The following RCAN1 variants were observed in gnomAD, a reference collection of about 807,000 sequenced individuals.
RCAN1 encodes the protein regulator of calcineurin 1.
Under a neutral mutation model 22.9 loss-of-function variants are expected in RCAN1, and 11 were observed. The observed-to-expected ratio is 0.48, with a 90% CI of 0.30 to 0.79. RCAN1 has a LOEUF of 0.79. RCAN1 is among the 30% of genes least tolerant of loss of function. The pLI is 0.06. For missense variants in RCAN1, 291 were observed against 337.8 expected (o/e 0.86, Z 1.09); for synonymous variants, 136 against 142.3 (o/e 0.96, Z 0.32).
At chr21:34,561,052 T>G (rs8132720) in intron 1 of RCAN1, among the ~76,000 whole-genome samples, 30,995 of 151,994 alleles carry the variant, frequency 0.2, 3,390 homozygotes, top group South Asian at 0.32. Flanking sequence ...GATCCGATGA[T>G]TTTATAAGTG....
At chr21:34,567,449 A>G (rs2062592732) in intron 1 of RCAN1, among the ~76,000 whole-genome samples, 1 of 151,810 alleles carries the variant, frequency 6.6e-6, no homozygotes, top group South Asian at 2.1e-4. Flanking sequence ...TTCTGGCCTA[A>G]GGGAAAGGGG....
Position 34,611,623 on chromosome 21 carries a change from A to G in RCAN1, c.252+3137T>C, listed in dbSNP as rs558411919. 3.3e-4 allele frequency among the ~76,000 whole-genome samples: 51 copies of G among 152,292 alleles called. 2 individuals are homozygous for G. In the South Asian group the frequency reaches 9.7e-3, roughly 29 times the overall value. ...TCCAGATCCAACAGACTGGCTAAGG[A>G]GGGGACGGCCAGACCCCCAGGGACT... On this transcript the variant is annotated intron_variant, in intron 1 of 3. Coordinates refer to ENST00000313806, the MANE Select transcript of RCAN1 (RefSeq NM_004414.7).
chr21:34,559,300 A>T (rs1473102952), intron 1 of RCAN1: 2 of 152,240 alleles, frequency 1.3e-5, no homozygotes, highest in African/African-American at 4.8e-5. Context: ...CTGTAAGAAG[A>T]GCCCTGTTTG....
At chr21:34,599,177 G>T (rs147985556) in intron 1 of RCAN1, among the ~76,000 whole-genome samples, 1 of 152,056 alleles carries the variant, frequency 6.6e-6, no homozygotes, top group Non-Finnish European at 1.5e-5. Context: ...TTTACATAAG[G>T]AAACAAAGAA....
chr21:34,612,924 C>G lies in RCAN1; in HGVS notation c.252+1836G>C, dbSNP rs2268275. ...TGACCAAGCCCCCTCCCCTTGCTCT[C>G]TATCCCTGTTTCAGTCTCTTCATCG... On this transcript the variant is annotated intron_variant, in intron 1 of 3. Coordinates refer to ENST00000313806, the MANE Select transcript of RCAN1 (RefSeq NM_004414.7). Among the ~76,000 whole-genome samples, 683 of 152,362 alleles carry G rather than the reference C, an allele frequency of 4.5e-3. 20 individuals carry two copies. In the East Asian group the frequency reaches 0.079, roughly 18 times the overall value.
chr21:34,554,983 C>T (rs1410694538), intron 1 of RCAN1, among the ~76,000 whole-genome samples: 1 of 152,174 alleles, frequency 6.6e-6, no homozygotes, highest in Non-Finnish European at 1.5e-5. Flanking sequence ...CCACTGGGTC[C>T]CTCCCACAAC....
intron 1 of RCAN1, among the ~76,000 whole-genome samples, chr21:34,540,442 C>G (rs751660181): frequency 1.3e-5 from 2 of 151,960 alleles, no homozygotes; most frequent in Non-Finnish European, 2.9e-5. Flanking sequence ...TGTCTCCATT[C>G]ATTCAACCAC....
chr21:34,599,423 G>A (rs1051774147), intron 1 of RCAN1, among the ~76,000 whole-genome samples: 4 of 152,116 alleles, frequency 2.6e-5, no homozygotes, highest in African/African-American at 9.7e-5. Context: ...GCAGTGAGCC[G>A]AGATCACGCC....
In RCAN1 at chr21:34,585,367, G is replaced by T. The variant is rs912101520; in HGVS notation, c.252+29393C>A. On this transcript the variant is annotated intron_variant, in intron 1 of 3. Transcript: ENST00000313806. ...ATAAAATAAGTCAAGGATGCATTTT[G>T]TAATATCTAGAATAACCACTAAAAG... Among the ~76,000 whole-genome samples the T allele has an allele frequency of 3.9e-5, 6 of 152,300 alleles. No homozygotes were observed. In the South Asian group the frequency reaches 1.2e-3, roughly 32 times the overall value.
At chr21:34,601,312 C>T (rs1169365376) in intron 1 of RCAN1, among the ~76,000 whole-genome samples, 1 of 152,212 alleles carries the variant, frequency 6.6e-6, no homozygotes, top group African/African-American at 2.4e-5. Context: ...TTTTCATCCT[C>T]ACAACACAAC....
chr21:34,594,282 G>A (rs1052138402), intron 1 of RCAN1, among the ~76,000 whole-genome samples: 10 of 152,272 alleles, frequency 6.6e-5, no homozygotes, highest in African/African-American at 1.7e-4. Flanking sequence ...GGCCGGGCGC[G>A]GTGGCTCATG....
At chr21:34,613,809 G>A in intron 1 of RCAN1, 1 of 1,494,062 alleles carries the variant, frequency 6.7e-7, no homozygotes. Flanking sequence ...GTTTCACAGT[G>A]GTGTTGTATT....
Position 34,518,401 on chromosome 21 carries a change from G to T in RCAN1, c.587-145C>A. 2 of 844,250 alleles carry T rather than the reference G, an allele frequency of 2.4e-6. No individual in the cohort carries two copies. Among genetic ancestry groups the T allele is most frequent in the Non-Finnish European group, 3.6e-6 (2 of 559,710 alleles). The allele number at this position is 844,250 out of a possible 1,614,324, so 52.3% of individuals were successfully genotyped here. A position where few individuals can be genotyped will look rare whatever the true frequency, so the allele number is the denominator to read the frequency against. On this transcript the variant is annotated intron_variant, in intron 3 of 3. Transcript: ENST00000313806. This position sits in a 1 kb window ranked among gnomAD's most constrained non-coding sequence, Gnocchi z 4.2. ...AGAGACACAGCCAGACATATTTTGG[G>T]TTTGTATTTCTTTGCTAGCTCATTC... is the stretch of plus-strand genomic sequence containing the variant.
intron 1 of RCAN1, among the ~76,000 whole-genome samples, chr21:34,588,705 C>G (rs1987877789): frequency 6.6e-6 from 1 of 152,230 alleles, no homozygotes; most frequent in South Asian, 2.1e-4. Context: ...GAATTGAAAG[C>G]AGGGTCCTGA....
At chr21:34,587,009 CA>C (rs1380189252) in intron 1 of RCAN1, among the ~76,000 whole-genome samples, 1 of 151,000 alleles carries the variant, frequency 6.6e-6, no homozygotes, top group African/African-American at 2.4e-5. Context: ...AAACAGAAAA[CA>C]AAAAAACAGA....
At chr21:34,530,870 G>A (rs1444665806) in intron 1 of RCAN1, among the ~76,000 whole-genome samples, 5 of 151,992 alleles carry the variant, frequency 3.3e-5, no homozygotes, top group East Asian at 1.9e-4. Context: ...TGATCCACCC[G>A]CCTCGGCCTC....
intron 1 of RCAN1, among the ~76,000 whole-genome samples, chr21:34,584,553 G>A (rs1476501091): frequency 6.6e-6 from 1 of 152,172 alleles, no homozygotes; most frequent in Non-Finnish European, 1.5e-5. Context: ...TGACTGCAGT[G>A]GAAAATTACA....
rs1254610631 is a variant in RCAN1 at position 34,614,736 on chromosome 21, C to T, written c.252+24G>A. ...AACAAGTGTCCGCCCTCCGCCCCGACGGCCCGCCCGGCGCGGTCCTCACCC... is the reference window on the plus strand; with the variant it reads ...AACAAGTGTCCGCCCTCCGCCCCGATGGCCCGCCCGGCGCGGTCCTCACCC... On this transcript the variant is annotated intron_variant, in intron 1 of 3. Coordinates refer to ENST00000313806, the MANE Select transcript of RCAN1 (RefSeq NM_004414.7). The surrounding 1 kb of genome is among the most constrained non-coding windows in gnomAD (Gnocchi z 6.0). 8 of 1,407,890 alleles carry T rather than the reference C, an allele frequency of 5.7e-6. No homozygotes were observed. Among genetic ancestry groups the T allele is most frequent in the East Asian group, 3.4e-5 (1 of 29,360 alleles). 87.2% of individuals were successfully genotyped at this position (1,407,890 alleles called of 1,614,324 possible).
chr21:34,517,792 AGT>A lies in RCAN1; in HGVS notation c.*290_*291del. On this transcript the variant is annotated 3_prime_UTR_variant, in exon 4 of 4. Coordinates refer to ENST00000313806, the MANE Select transcript of RCAN1 (RefSeq NM_004414.7). ...AGACAGAACCTACCAGAAAAGAACA[AGT>A]ACAAAACACTATCATTATCTGTTTT... 1 of 376,320 alleles carries A rather than the reference AGT, an allele frequency of 2.7e-6. No homozygotes were observed. Among genetic ancestry groups the A allele is most frequent in the East Asian group, 5.2e-5 (1 of 19,266 alleles). The allele number at this position is 376,320 out of a possible 1,614,324, so 23.3% of individuals were successfully genotyped here. A position where few individuals can be genotyped will look rare whatever the true frequency, so the allele number is the denominator to read the frequency against.
Sources: gnomAD v4.1 joint callset for allele counts (sites outside exome capture counted in the v4.1 genomes callset) on GRCh38, gnomAD v4.1.1 for gene constraint, Gnocchi (gnomAD v3.1) non-coding constraint, MANE v1.5 for transcripts, NCBI Gene and HGNC (gene_info 2026-07-23, HGNC 2026-07-21) for gene names.